Variants in MYH15 observed in about 807,000 individuals in gnomAD.
The protein encoded by MYH15 is myosin heavy chain 15, also known as myosin-15.
Under a neutral mutation model 240.5 loss-of-function variants are expected in MYH15, and 227 were observed. The observed-to-expected ratio is 0.94, with a 90% CI of 0.85 to 1.05. MYH15 has a LOEUF of 1.05. Among genes scored for constraint, MYH15 ranks in the 50% least tolerant of loss-of-function variants. The pLI is 0.00. For missense variants in MYH15, 2,217 were observed against 2,247.5 expected (o/e 0.99, Z 0.27); for synonymous variants, 785 against 796.7 (o/e 0.99, Z 0.25).
At chr3:108,434,794 T>C (rs543608164) in intron 25 of MYH15, among the ~76,000 whole-genome samples, 1 of 152,308 alleles carries the variant, frequency 6.6e-6, no homozygotes, top group South Asian at 2.1e-4. Flanking sequence ...TACTGGGTAA[T>C]GTATAGGTGA....
In MYH15 at chr3:108,494,780, C is replaced by T. The variant is rs139162558; in HGVS notation, c.711+1000G>A. Among the ~76,000 whole-genome samples the T allele has an allele frequency of 7.2e-3, 1,099 of 152,254 alleles. 9 individuals carry two copies. The highest frequency in any genetic ancestry group is 0.025 in the African/African-American group (1,029 of 41,552). On this transcript the variant is annotated intron_variant, in intron 7 of 40. Coordinates refer to ENST00000693548, the MANE Select transcript of MYH15 (RefSeq NM_014981.3). Reference sequence around the variant, plus strand: ...AAGTGCTAGGGTTACAGGCATGAGCCACCACACCTGGCTATCTTTCTTTTT... The same window carrying T: ...AAGTGCTAGGGTTACAGGCATGAGCTACCACACCTGGCTATCTTTCTTTTT...
intron 18 of MYH15, among the ~76,000 whole-genome samples, 171 bp downstream of exon 18, chr3:108,459,191 G>A (rs1317612667): frequency 6.6e-6 from 1 of 151,990 alleles, no homozygotes; most frequent in Non-Finnish European, 1.5e-5. Flanking sequence ...CCATTTCAAT[G>A]GCAATATTGA....
chr3:108,398,990 C>A, intron 34 of MYH15, 85 bp downstream of exon 34: 1 of 1,492,206 alleles, frequency 6.7e-7, no homozygotes, highest in East Asian at 2.3e-5. Flanking sequence ...ATCTTTACTG[C>A]TGAACACAAT....
At chr3:108,416,646 T>A (rs571465429) in intron 29 of MYH15, among the ~76,000 whole-genome samples, 166 bp downstream of exon 29, 2 of 152,284 alleles carry the variant, frequency 1.3e-5, no homozygotes, top group South Asian at 2.1e-4. Context: ...CCGAGGAAGA[T>A]CCTTCAGTCA....
intron 27 of MYH15, among the ~76,000 whole-genome samples, chr3:108,424,025 A>G (rs991590496): frequency 1.3e-5 from 2 of 152,240 alleles, no homozygotes; most frequent in Non-Finnish European, 2.9e-5. Flanking sequence ...GAACATATCC[A>G]GGTGTGAAAA....
chr3:108,412,874 G>A (rs2082604978), intron 30 of MYH15, among the ~76,000 whole-genome samples: 1 of 152,126 alleles, frequency 6.6e-6, no homozygotes, highest in Non-Finnish European at 1.5e-5. Flanking sequence ...TTTTGTAGCT[G>A]CCTACCTCCC....
At chr3:108,466,704 T>C (rs199713364) in intron 14 of MYH15, among the ~76,000 whole-genome samples, 2 of 152,170 alleles carry the variant, frequency 1.3e-5, no homozygotes, top group East Asian at 3.8e-4. Context: ...ACGTCACCTA[T>C]AATTACTACA....
At chr3:108,501,938 G>A in intron 2 of MYH15, 83 bp from the exon 3 acceptor site, 1 of 1,441,598 alleles carries the variant, frequency 6.9e-7, no homozygotes, top group African/African-American at 1.4e-5. Context: ...AGAATATTCA[G>A]ACTCAAAAAG....
At chr3:108,486,203 T>C (rs184233296) in intron 10 of MYH15, among the ~76,000 whole-genome samples, 15 of 152,334 alleles carry the variant, frequency 9.8e-5, no homozygotes, top group African/African-American at 2.9e-4. Context: ...ATGTTTGCCA[T>C]TGAGTTGAAA....
intron 38 of MYH15, 139 bp downstream of exon 38, chr3:108,388,831 A>C: frequency 1.6e-6 from 1 of 644,282 alleles, no homozygotes; most frequent in Non-Finnish European, 2.6e-6. Flanking sequence ...TGGGAGGGTG[A>C]GTCAGTGTCT....
intron 16 of MYH15, 121 bp downstream of exon 16, chr3:108,462,990 C>T (rs908634399): frequency 2.6e-5 from 30 of 1,132,176 alleles, no homozygotes; most frequent in Admixed American, 1.3e-4. Context: ...TAAGAGGGGA[C>T]GACTCAGACC....
rs2082772397 is a variant in MYH15, at chr3:108,430,822, A to C, written c.3312+10T>G. 6.3e-7 allele frequency: 1 copy of C among 1,598,720 alleles called. No homozygotes were observed. The highest frequency in any genetic ancestry group is 8.6e-7 in the Non-Finnish European group (1 of 1,168,674). ...ATATAAATACACAGGCATATTTGATAATTGATTACCTGAAGCTCTTTAACC... is the reference window on the plus strand; with the variant it reads ...ATATAAATACACAGGCATATTTGATCATTGATTACCTGAAGCTCTTTAACC... On this transcript the variant is annotated intron_variant, in intron 26 of 40. Coordinates refer to ENST00000693548, the MANE Select transcript of MYH15 (RefSeq NM_014981.3).
chr3:108,467,557 G>A (rs1305203080), intron 14 of MYH15, among the ~76,000 whole-genome samples: 1 of 152,038 alleles, frequency 6.6e-6, no homozygotes, highest in Non-Finnish European at 1.5e-5. Flanking sequence ...TCTTGAGGCT[G>A]GTAAAATTCT....
Position 108,394,026 on chromosome 3 carries a change from C to G in MYH15, c.5259+5G>C. 1.9e-6 allele frequency: 3 copies of G among 1,613,594 alleles called. No individual in the cohort carries two copies. The highest frequency in any genetic ancestry group is 2.5e-6 in the Non-Finnish European group (3 of 1,179,942). On this transcript the variant is annotated splice_donor_5th_base_variant and intron_variant, in intron 36 of 40. Transcript: ENST00000693548. ...CAGGATTGAGTACGTGGTCAAGGGACCCACCTCAATGGCTGCCTTCTTGGC... is the reference window on the plus strand; with the variant it reads ...CAGGATTGAGTACGTGGTCAAGGGAGCCACCTCAATGGCTGCCTTCTTGGC...
At chr3:108,517,574 C>G (rs765982203) in intron 1 of MYH15, among the ~76,000 whole-genome samples, 5 of 151,688 alleles carry the variant, frequency 3.3e-5, no homozygotes, top group Non-Finnish European at 5.9e-5. Flanking sequence ...TTCAAGTGAT[C>G]CACCCACCTC....
intron 23 of MYH15, 108 bp from the exon 24 acceptor site, chr3:108,440,021 T>C: frequency 2.0e-6 from 2 of 1,000,624 alleles, no homozygotes; most frequent in Admixed American, 6.2e-5. Context: ...AGGTATCCAA[T>C]GTCACAAAAA....
chr3:108,410,911 C>G lies in MYH15; in HGVS notation c.4167G>C (p.Leu1389Phe). ...EDAKKELAIR[L>F]QEAAEAMGVA... ...CCCCCATGGCTTCGGCTGCCTCCTG[C>G]AATCTAATTGCCAGTTCCTTCCTGA... Residue 1389 changes from leucine to phenylalanine, a missense_variant, in exon 31 of 41, where the codon TTG becomes TTC. Transcript: ENST00000693548. 6.2e-7 allele frequency: 1 copy of G among 1,602,450 alleles called. No homozygotes were observed. The highest frequency in any genetic ancestry group is 8.5e-7 in the Non-Finnish European group (1 of 1,170,916).
chr3:108,451,398 A>T (rs1233238396), intron 21 of MYH15, among the ~76,000 whole-genome samples: 1 of 152,132 alleles, frequency 6.6e-6, no homozygotes, highest in Non-Finnish European at 1.5e-5. Context: ...AAATAAAATA[A>T]AAAATAAAAT....
intron 11 of MYH15, among the ~76,000 whole-genome samples, chr3:108,480,893 C>T (rs139790533): frequency 7.3e-4 from 111 of 152,262 alleles, no homozygotes; most frequent in African/African-American, 2.6e-3. Context: ...CTTCCCCGTT[C>T]CTTCTTCTCC....
Sources: gnomAD v4.1 joint callset for allele counts (sites outside exome capture counted in the v4.1 genomes callset) on GRCh38, gnomAD v4.1.1 for gene constraint, MANE v1.5 for transcripts, NCBI Gene and HGNC (gene_info 2026-07-23, HGNC 2026-07-21) for gene names.